Variants in NAV3 observed in about 807,000 individuals in gnomAD.
The protein encoded by NAV3 is neuron navigator 3.
In NAV3, 87 loss-of-function variants were observed where a neutral mutation model predicts 244.7. That is an observed-to-expected ratio of 0.36 (90% CI 0.30 to 0.42). The LOEUF is 0.42. Among genes scored for constraint, NAV3 ranks in the 20% least tolerant of loss-of-function variants. The probability of loss-of-function intolerance (pLI) is 1.00; values close to 1 mark genes in which losing one functional copy is unlikely to be tolerated. For synonymous variants in NAV3, 1,126 were observed against 1,042.2 expected, an observed-to-expected ratio of 1.08 and a Z score of -1.55; for missense variants, 2,663 against 2,893.3, an observed-to-expected ratio of 0.92 and a Z score of 1.83.
chr12:77,648,902 A>T (rs980595723), intron 2 of NAV3, among the ~76,000 whole-genome samples: 1 of 152,046 alleles, frequency 6.6e-6, no homozygotes, highest in Non-Finnish European at 1.5e-5. Flanking sequence ...TTCTGACATA[A>T]TTCATTCTTC....
intron 2 of NAV3, among the ~76,000 whole-genome samples, chr12:77,606,835 C>T (rs1870691202): frequency 6.6e-6 from 1 of 152,052 alleles, no homozygotes; most frequent in Admixed American, 6.6e-5. Flanking sequence ...GAATCTATGT[C>T]CCAAACTTCT....
chr12:77,958,722 A>T (rs1029124610), intron 3 of NAV3, among the ~76,000 whole-genome samples: 1 of 152,182 alleles, frequency 6.6e-6, no homozygotes, highest in Non-Finnish European at 1.5e-5. Flanking sequence ...ACATTTTTAT[A>T]GTTATCAAGC....
intron 38 of NAV3, among the ~76,000 whole-genome samples, chr12:78,201,072 C>CT (rs549973376): frequency 0.24 from 21,314 of 90,018 alleles, 3,233 homozygotes; most frequent in East Asian, 0.69. Flanking sequence ...TCTTCTCCTT[C>CT]TTTTTTTTTT....
At chr12:77,657,887 G>C (rs1217805135) in intron 2 of NAV3, among the ~76,000 whole-genome samples, 1 of 152,038 alleles carries the variant, frequency 6.6e-6, no homozygotes, top group East Asian at 1.9e-4. Context: ...TGCAGAAAAG[G>C]CCTTTGACAA....
At chr12:77,976,505 G>T (rs1868390043) in intron 5 of NAV3, among the ~76,000 whole-genome samples, 1 of 142,852 alleles carries the variant, frequency 7.0e-6, no homozygotes, top group South Asian at 2.4e-4. Flanking sequence ...GTCCTGGAAA[G>T]CAGGTGCAGA....
rs9669577 is a variant in NAV3 at position 77,658,447 on chromosome 12, T to C, written c.72+86181T>C. ...AGGAGAACTACAAACCACTGCTCAA[T>C]GAAATAAAAGAGGATAGAAACAAAT... is the stretch of plus-strand genomic sequence containing the variant. On this transcript the variant is annotated intron_variant, in intron 2 of 8. Transcript: ENST00000550042. Among the ~76,000 whole-genome samples the C allele has an allele frequency of 1.1e-3, 149 of 139,776 alleles. 2 individuals are homozygous for C. The highest frequency in any genetic ancestry group is 1.7e-3 in the South Asian group (7 of 4,200). 91.7% of individuals were successfully genotyped at this position (139,776 alleles called of 152,430 possible).
chr12:77,969,454 C>G (rs539981771), intron 5 of NAV3, among the ~76,000 whole-genome samples: 2 of 152,130 alleles, frequency 1.3e-5, no homozygotes, highest in African/African-American at 4.8e-5. Flanking sequence ...GAAGGGCAGC[C>G]CAGCTGGAAG....
intron 5 of NAV3, among the ~76,000 whole-genome samples, chr12:77,971,086 G>T (rs1892960601): frequency 6.6e-6 from 1 of 151,854 alleles, no homozygotes; most frequent in South Asian, 2.1e-4. Context: ...TATTCTTCTT[G>T]CTGGATATAC....
chr12:77,809,259 A>G (rs1231389714), intron 2 of NAV3, among the ~76,000 whole-genome samples: 6 of 152,182 alleles, frequency 3.9e-5, no homozygotes, highest in Non-Finnish European at 5.9e-5. Context: ...CTGCCCAAAC[A>G]GCCACCCAGT....
intron 2 of NAV3, among the ~76,000 whole-genome samples, chr12:77,706,226 T>C (rs1875792943): frequency 6.6e-6 from 1 of 151,412 alleles, no homozygotes; most frequent in Non-Finnish European, 1.5e-5. Flanking sequence ...AGTTAATCAT[T>C]TGGGGAAACT....
At chr12:77,709,055 T>C (rs972314067) in intron 2 of NAV3, among the ~76,000 whole-genome samples, 1 of 152,140 alleles carries the variant, frequency 6.6e-6, no homozygotes, top group Non-Finnish European at 1.5e-5. Flanking sequence ...CCTTTGTTTC[T>C]TTCTCCTGCC....
At chr12:77,984,479 A>ATTTT (rs33928359) in intron 5 of NAV3, among the ~76,000 whole-genome samples, 17 of 146,092 alleles carry the variant, frequency 1.2e-4, no homozygotes, top group African/African-American at 4.3e-4. Flanking sequence ...TCAAGTATGC[A>ATTTT]TTTTTTTTTT....
chr12:77,833,919 G>T (rs913292104), intron 1 of NAV3, among the ~76,000 whole-genome samples: 2 of 152,102 alleles, frequency 1.3e-5, no homozygotes, highest in African/African-American at 4.8e-5. Context: ...GCCTGCCGGT[G>T]TCTGCAGGTG....
chr12:78,093,703 A>G lies in NAV3; in HGVS notation c.2637-23069A>G, dbSNP rs1267681732. 2.7e-5 allele frequency among the ~76,000 whole-genome samples: 4 copies of G among 150,840 alleles called. 1 individual carries two copies. The highest frequency in any genetic ancestry group is 2.0e-4 in the Admixed American group (3 of 15,178). On this transcript the variant is annotated intron_variant, in intron 12 of 39. Coordinates refer to ENST00000397909, the MANE Select transcript of NAV3 (RefSeq NM_001024383.2). Reference sequence around the variant, plus strand: ...TATTAGAAAAAAATAAAAATGAATTATACAAACTTATTTACCAAGTAAAAT... The same window carrying G: ...TATTAGAAAAAAATAAAAATGAATTGTACAAACTTATTTACCAAGTAAAAT...
intron 2 of NAV3, among the ~76,000 whole-genome samples, chr12:77,763,347 C>T (rs1869583319): frequency 6.6e-6 from 1 of 152,304 alleles, no homozygotes; most frequent in South Asian, 2.1e-4. Context: ...CAGAGAACTT[C>T]CTCACTGTTA....
intron 2 of NAV3, among the ~76,000 whole-genome samples, chr12:77,656,005 G>T (rs893439442): frequency 6.7e-6 from 1 of 148,182 alleles, no homozygotes; most frequent in African/African-American, 2.6e-5. Context: ...GCAAAATCAT[G>T]CCAAAATGTA....
chr12:78,009,913 G>C (rs1197940381), intron 8 of NAV3, among the ~76,000 whole-genome samples: 1 of 152,048 alleles, frequency 6.6e-6, no homozygotes, highest in Admixed American at 6.6e-5. Context: ...ATATAAGATA[G>C]CTAAAAATAA....
At chr12:77,732,303 G>A (rs1877158158) in intron 2 of NAV3, among the ~76,000 whole-genome samples, 1 of 151,892 alleles carries the variant, frequency 6.6e-6, no homozygotes, top group Non-Finnish European at 1.5e-5. Context: ...AGGGACTTAA[G>A]AAGGGAGGTA....
intron 1 of NAV3, among the ~76,000 whole-genome samples, chr12:77,876,532 C>T (rs770819577): frequency 1.3e-5 from 2 of 152,034 alleles, no homozygotes; most frequent in Non-Finnish European, 2.9e-5. Context: ...ATTTAGTTGA[C>T]AGGACTCTGT....
Sources: gnomAD v4.1 joint callset for allele counts (sites outside exome capture counted in the v4.1 genomes callset) on GRCh38, gnomAD v4.1.1 for gene constraint, MANE v1.5 for transcripts, NCBI Gene and HGNC (gene_info 2026-07-23, HGNC 2026-07-21) for gene names.